The following PDE5A variants were observed in gnomAD, a reference collection of about 807,000 sequenced individuals.
PDE5A encodes cGMP-specific 3',5'-cyclic phosphodiesterase.
PDE5A carries 67 observed loss-of-function variants against 110.2 expected under a neutral mutation model. The observed-to-expected ratio is 0.61, with a 90% confidence interval of 0.50 to 0.75. PDE5A has a LOEUF of 0.75. Among genes scored for constraint, PDE5A ranks in the 30% least tolerant of loss-of-function variants. PDE5A has a pLI of 0.00. For missense variants in PDE5A, 862 were observed against 1,045.1 expected (o/e 0.82, Z 2.42); for synonymous variants, 328 against 351.2 (o/e 0.93, Z 0.74).
intron 18 of PDE5A, among the ~76,000 whole-genome samples, chr4:119,503,174 A>C: frequency 6.6e-6 from 1 of 152,160 alleles, no homozygotes; most frequent in East Asian, 1.9e-4. Flanking sequence ...ATGAGCCTGT[A>C]GGAAGAGTTA....
At chr4:119,553,835 C>T in intron 7 of PDE5A, 89 bp from the exon 8 acceptor site, 1 of 698,956 alleles carries the variant, frequency 1.4e-6, no homozygotes, top group Non-Finnish European at 2.5e-6. Context: ...GAGAAAAATA[C>T]CAGCCTTAAA....
intron 3 of PDE5A, among the ~76,000 whole-genome samples, chr4:119,581,458 C>T (rs1728587786): frequency 6.6e-6 from 1 of 152,108 alleles, no homozygotes; most frequent in African/African-American, 2.4e-5. Flanking sequence ...TATGTACATA[C>T]ATAATTTCTT....
chr4:119,586,822 A>C (rs1332434021), intron 3 of PDE5A, among the ~76,000 whole-genome samples: 2 of 152,222 alleles, frequency 1.3e-5, no homozygotes, highest in Non-Finnish European at 2.9e-5. Context: ...TATTGAATAA[A>C]ATATAGCACT....
chr4:119,519,374 C>T, intron 13 of PDE5A: 1 of 435,088 alleles, frequency 2.3e-6, no homozygotes, highest in Middle Eastern at 5.7e-4. Context: ...TGAAATGCCT[C>T]AATAAATTAA....
At chr4:119,547,765 T>C (rs1309208433) in intron 9 of PDE5A, among the ~76,000 whole-genome samples, 1 of 152,062 alleles carries the variant, frequency 6.6e-6, no homozygotes, top group East Asian at 1.9e-4. Flanking sequence ...TTTAATTATA[T>C]ATTAACAGTT....
At chr4:119,543,100 G>C (rs1300559617) in intron 9 of PDE5A, 1 of 108,466 alleles carries the variant, frequency 9.2e-6, no homozygotes, top group East Asian at 3.1e-4. Flanking sequence ...ATACAAAATA[G>C]AATGCAGAAA....
At chr4:119,524,166 C>T (rs7694813) in intron 12 of PDE5A, among the ~76,000 whole-genome samples, 4,157 of 152,108 alleles carry the variant, frequency 0.027, 190 homozygotes, top group African/African-American at 0.094. Flanking sequence ...GTAAGACTCC[C>T]ATGGGGAGAA....
intron 1 of PDE5A, among the ~76,000 whole-genome samples, chr4:119,621,654 ACAG>A (rs1730148232): frequency 6.6e-6 from 1 of 152,036 alleles, no homozygotes; most frequent in Non-Finnish European, 1.5e-5. Flanking sequence ...AGATAGACAG[ACAG>A]ATAGATAGTT....
At chr4:119,510,554 C>T (rs1725701826) in intron 15 of PDE5A, among the ~76,000 whole-genome samples, 1 of 152,028 alleles carries the variant, frequency 6.6e-6, no homozygotes, top group African/African-American at 2.4e-5. Context: ...TTTTCCTTAA[C>T]ATAAGTATGT....
chr4:119,506,517 A>G (rs925144651), intron 16 of PDE5A, among the ~76,000 whole-genome samples: 1 of 151,854 alleles, frequency 6.6e-6, no homozygotes, highest in Non-Finnish European at 1.5e-5. Context: ...GCAGTGTTTA[A>G]TATCTACCTG....
At chr4:119,505,638 A>C (rs1725524385) in intron 17 of PDE5A, among the ~76,000 whole-genome samples, 1 of 151,964 alleles carries the variant, frequency 6.6e-6, no homozygotes, top group Non-Finnish European at 1.5e-5. Flanking sequence ...TTTTTCTAGA[A>C]CAAAGGAACA....
intron 18 of PDE5A, among the ~76,000 whole-genome samples, chr4:119,504,018 G>A (rs906285523): frequency 9.9e-5 from 15 of 152,062 alleles, no homozygotes; most frequent in Admixed American, 9.8e-4. Context: ...GTGTATTGGT[G>A]GGGACTGGGC....
At chr4:119,527,015 G>A (rs960427981) in intron 11 of PDE5A, 1 of 152,128 alleles carries the variant, frequency 6.6e-6, no homozygotes, top group Non-Finnish European at 1.5e-5. Context: ...ACTCAAGTTT[G>A]GGAAGTGTGG....
chr4:119,589,994 C>T (rs757011693), intron 3 of PDE5A, among the ~76,000 whole-genome samples: 4 of 152,048 alleles, frequency 2.6e-5, no homozygotes, highest in African/African-American at 7.2e-5. Flanking sequence ...AAGAAAACAC[C>T]AATCAGGAGG....
Position 119,496,161 on chromosome 4 carries a change from A to G in PDE5A, c.*2440T>C, listed in dbSNP as rs2110445013. ...ATAGTGGGGACTTTTCTGGCTAAAA[A>G]TTGTAATTAAATGGTATGTTACTCT... is the stretch of plus-strand genomic sequence containing the variant. On this transcript the variant is annotated 3_prime_UTR_variant, in exon 21 of 21. Coordinates refer to ENST00000354960, the MANE Select transcript of PDE5A (RefSeq NM_001083.4). 1 of 152,260 alleles carries G rather than the reference A, an allele frequency of 6.6e-6. No homozygotes were observed. Among genetic ancestry groups the G allele is most frequent in the South Asian group, 2.1e-4 (1 of 4,828 alleles). 9.4% of individuals were successfully genotyped at this position (152,260 alleles called of 1,614,324 possible).
chr4:119,573,843 A>G (rs544541657), intron 3 of PDE5A, among the ~76,000 whole-genome samples: 1 of 152,286 alleles, frequency 6.6e-6, no homozygotes, highest in Non-Finnish European at 1.5e-5. Flanking sequence ...CAGAAATAAC[A>G]TGATCAATGC....
intron 7 of PDE5A, among the ~76,000 whole-genome samples, chr4:119,559,119 A>T (rs985368573): frequency 5.3e-5 from 8 of 152,278 alleles, no homozygotes; most frequent in African/African-American, 1.9e-4. Flanking sequence ...GAATCATTAA[A>T]TCAATAAGTG....
At position 119,550,962 on chromosome 4, in the gene PDE5A, TCA is replaced by T. The variant is rs565854388; in HGVS notation, c.1396+1586_1396+1587del. Among the ~76,000 whole-genome samples the T allele has an allele frequency of 3.9e-4, 59 of 152,292 alleles. No homozygotes were observed. The South Asian group carries it at 5.8e-3, about 15-fold the overall frequency. Reference sequence around the variant, plus strand: ...TCAGTGACAATCTTTAAAAAAGATCTCACAGATTCATTAGCCTCCACTTTTTT... The same window carrying T: ...TCAGTGACAATCTTTAAAAAAGATCTCAGATTCATTAGCCTCCACTTTTTT... On this transcript the variant is annotated intron_variant, in intron 9 of 20. Coordinates refer to ENST00000354960, the MANE Select transcript of PDE5A (RefSeq NM_001083.4).
intron 7 of PDE5A, among the ~76,000 whole-genome samples, chr4:119,559,674 A>G (rs890767829): frequency 6.6e-6 from 1 of 152,242 alleles, no homozygotes; most frequent in African/African-American, 2.4e-5. Context: ...AAAAGGATTC[A>G]ATACTAACTA....
Sources: gnomAD v4.1 joint callset for allele counts (sites outside exome capture counted in the v4.1 genomes callset) on GRCh38, gnomAD v4.1.1 for gene constraint, MANE v1.5 for transcripts, NCBI Gene and HGNC (gene_info 2026-07-23, HGNC 2026-07-21) for gene names.